TXNDC16: variants seen among roughly 807,000 people sequenced by gnomAD.
TXNDC16 encodes the protein thioredoxin domain containing 16.
TXNDC16 carries 74 observed loss-of-function variants against 85.6 expected under a neutral mutation model. The ratio of observed to expected loss-of-function variants is 0.86; its 90% confidence interval spans 0.72 to 1.05. TXNDC16 has a LOEUF of 1.05. Ranked by LOEUF, TXNDC16 falls within the 50% of genes least tolerant of loss-of-function variation. TXNDC16 has a pLI of 0.00. For synonymous variants in TXNDC16, 335 were observed against 326.5 expected, an observed-to-expected ratio of 1.03 and a Z score of -0.28; for missense variants, 959 against 947.0, an observed-to-expected ratio of 1.01 and a Z score of -0.17.
intron 6 of TXNDC16, among the ~76,000 whole-genome samples, chr14:52,529,894 A>G (rs1346477289): frequency 1.0e-5 from 1 of 100,488 alleles, no homozygotes; most frequent in Non-Finnish European, 1.7e-5. Flanking sequence ...TGAATTATAT[A>G]TTATATATTA....
chr14:52,524,948 C>T (rs938495670), intron 6 of TXNDC16, among the ~76,000 whole-genome samples: 5 of 151,884 alleles, frequency 3.3e-5, no homozygotes, highest in African/African-American at 1.2e-4. Context: ...TGGTAAAACC[C>T]TGTCTCTACT....
chr14:52,432,310 C>A lies in TXNDC16; in HGVS notation c.2472G>T (p.Val824=). ...RRDKELGCSK[V]N ...AAACCACAGCCCTATAAAATTAGTT[C>A]ACTTTTGAGCATCCTAACTCTTTAT... is the stretch of plus-strand genomic sequence containing the variant. Residue 824 remains valine, a synonymous_variant, in exon 21 of 21, where the codon GTG becomes GTT. Transcript: ENST00000281741. The A allele has an allele frequency of 6.3e-7, 1 of 1,597,712 alleles. No individual in the cohort carries two copies. Among genetic ancestry groups the A allele is most frequent in the South Asian group, 1.1e-5 (1 of 88,170 alleles).
intron 13 of TXNDC16, 143 bp downstream of exon 13, chr14:52,482,679 G>T: frequency 1.7e-6 from 1 of 605,832 alleles, no homozygotes; most frequent in Non-Finnish European, 2.6e-6. Context: ...AGAATCAGAA[G>T]TAAATGCTTC....
At chr14:52,451,239 G>T (rs1331608204) in intron 18 of TXNDC16, among the ~76,000 whole-genome samples, 1 of 149,804 alleles carries the variant, frequency 6.7e-6, no homozygotes, top group African/African-American at 2.5e-5. Context: ...AATCCCACTT[G>T]TTCCCCAATA....
intron 1 of TXNDC16, among the ~76,000 whole-genome samples, chr14:52,547,889 G>A (rs1404600831): frequency 6.6e-6 from 1 of 152,210 alleles, no homozygotes; most frequent in Non-Finnish European, 1.5e-5. Context: ...TTGTTGACGA[G>A]AGACTGTTCA....
rs536053026 is a variant in TXNDC16, at chr14:52,483,865, A to G, written c.1109-900T>C. The stretch of plus-strand genomic sequence containing the variant: ...TTGTACGGTAAGACAGATGGAGCAT[A>G]TAACTTGATTAAAGGATAAAGCTTC... On this transcript the variant is annotated intron_variant, in intron 12 of 20. Transcript: ENST00000281741. Among the ~76,000 whole-genome samples the G allele has an allele frequency of 1.3e-4, 20 of 152,330 alleles. 1 individual carries two copies. Among genetic ancestry groups the G allele is most frequent in the Admixed American group, 1.2e-3 (18 of 15,300 alleles).
In TXNDC16 at chr14:52,499,500, C is replaced by T. The variant is rs141744758; in HGVS notation, c.757-8495G>A. Among the ~76,000 whole-genome samples, 738 of 151,496 alleles carry T rather than the reference C, an allele frequency of 4.9e-3. 14 individuals carry two copies. Among genetic ancestry groups the T allele is most frequent in the Admixed American group, 0.039 (599 of 15,194 alleles). On this transcript the variant is annotated intron_variant, in intron 9 of 20. Coordinates refer to ENST00000281741, the MANE Select transcript of TXNDC16 (RefSeq NM_020784.3). The stretch of plus-strand genomic sequence containing the variant: ...AATAGACATTTTTCCAAAGAAGATA[C>T]ACAAATGGCCAAGCATATGAGACGA...
chr14:52,472,612 CTTACA>C (rs1453679350), intron 14 of TXNDC16, among the ~76,000 whole-genome samples: 5 of 152,108 alleles, frequency 3.3e-5, no homozygotes, highest in African/African-American at 4.8e-5. Context: ...ATTTTAAATT[CTTACA>C]TTAAAGGATA....
rs117944882 is a variant in TXNDC16, at chr14:52,492,696, G to A, written c.757-1691C>T. Among the ~76,000 whole-genome samples the A allele has an allele frequency of 9.1e-4, 138 of 152,258 alleles. 3 individuals are homozygous for A. The East Asian group carries it at 0.021, about 23-fold the overall frequency. On this transcript the variant is annotated intron_variant, in intron 9 of 20. Coordinates refer to ENST00000281741, the MANE Select transcript of TXNDC16 (RefSeq NM_020784.3). ...GTGTCATGTGGCCAGGTGGCCAGAA[G>A]GCACTAAGAAATCCCATGGGATGGT...
At chr14:52,519,364 G>T in intron 6 of TXNDC16, 71 bp from the exon 7 acceptor site, 1 of 1,181,346 alleles carries the variant, frequency 8.5e-7, no homozygotes, top group Non-Finnish European at 1.2e-6. Flanking sequence ...TTCTGTTAAA[G>T]AACCTAACCA....
rs746017174 is a variant in TXNDC16, at chr14:52,490,965, T to C, written c.797A>G (p.His266Arg). The change falls in exon 10 of 21, where the codon CAT (histidine) becomes CGT (arginine). Residue 266 changes from histidine (H) to arginine (R), a missense_variant. His to Arg is a conservative substitution (Grantham distance 29). Coordinates refer to ENST00000281741, the MANE Select transcript of TXNDC16 (RefSeq NM_020784.3). ...AEDPQQVSTV[H>R]LQLGLPLVFI... Reference sequence around the variant, plus strand: ...AACCAGTGGTAAGCCCAGTTGGAGATGGACAGTTGAAACTTGTTGAGGATC... The same window carrying C: ...AACCAGTGGTAAGCCCAGTTGGAGACGGACAGTTGAAACTTGTTGAGGATC... 1.9e-6 allele frequency: 3 copies of C among 1,602,312 alleles called. No individual in the cohort carries two copies. The highest frequency in any genetic ancestry group is 1.7e-5 in the Admixed American group (1 of 57,924).
chr14:52,518,273 C>G (rs770765853), intron 7 of TXNDC16, among the ~76,000 whole-genome samples: 16 of 152,218 alleles, frequency 1.1e-4, no homozygotes, highest in Non-Finnish European at 1.8e-4. Flanking sequence ...AGTCCATACT[C>G]CCAACATGAA....
intron 16 of TXNDC16, among the ~76,000 whole-genome samples, chr14:52,467,881 T>A (rs549592694): frequency 2.2e-4 from 34 of 152,086 alleles, no homozygotes; most frequent in Non-Finnish European, 4.3e-4. Flanking sequence ...ATAAACAAAA[T>A]AAGATATATA....
At chr14:52,521,196 TC>T (rs1566575843) in intron 6 of TXNDC16, among the ~76,000 whole-genome samples, 3 of 151,632 alleles carry the variant, frequency 2.0e-5, no homozygotes, top group Non-Finnish European at 4.4e-5. Context: ...CACTGCAACC[TC>T]CCCACCCTGG....
intron 6 of TXNDC16, among the ~76,000 whole-genome samples, chr14:52,520,439 G>A (rs936246098): frequency 3.3e-5 from 5 of 151,962 alleles, no homozygotes; most frequent in Non-Finnish European, 5.9e-5. Flanking sequence ...GTGAAACCCC[G>A]TCTCTACTAA....
intron 9 of TXNDC16, among the ~76,000 whole-genome samples, chr14:52,509,230 T>C (rs539182734): frequency 5.9e-5 from 9 of 152,164 alleles, no homozygotes; most frequent in African/African-American, 1.7e-4. Context: ...CAGAATGTTG[T>C]AGCAAAGAAA....
At chr14:52,497,708 C>G (rs1199871775) in intron 9 of TXNDC16, among the ~76,000 whole-genome samples, 1 of 151,956 alleles carries the variant, frequency 6.6e-6, no homozygotes, top group African/African-American at 2.4e-5. Flanking sequence ...GGTGAAACCC[C>G]ATTTCTACTA....
At chr14:52,467,912 G>A (rs566238162) in intron 16 of TXNDC16, among the ~76,000 whole-genome samples, 2 of 152,192 alleles carry the variant, frequency 1.3e-5, no homozygotes, top group African/African-American at 4.8e-5. Flanking sequence ...AATACTATTC[G>A]GCCTAAATTG....
intron 9 of TXNDC16, among the ~76,000 whole-genome samples, chr14:52,506,719 G>A (rs1300659449): frequency 7.0e-6 from 1 of 143,030 alleles, no homozygotes; most frequent in Non-Finnish European, 1.5e-5. Context: ...ACCGCGCCCG[G>A]CTAATTTTCT....
Sources: gnomAD v4.1 joint callset for allele counts (sites outside exome capture counted in the v4.1 genomes callset) on GRCh38, gnomAD v4.1.1 for gene constraint, MANE v1.5 for transcripts, NCBI Gene and HGNC (gene_info 2026-07-23, HGNC 2026-07-21) for gene names.